The following PCGF3 variants were observed in gnomAD, a reference collection of about 807,000 sequenced individuals.
PCGF3 encodes polycomb group RING finger protein 3.
In PCGF3, 7 loss-of-function variants were observed where a neutral mutation model predicts 33.1. That is an observed-to-expected ratio of 0.21 (90% CI 0.12 to 0.40). The LOEUF is 0.40. Among genes scored for constraint, PCGF3 ranks in the 10% least tolerant of loss-of-function variants. The pLI is 1.00. For missense variants in PCGF3, 211 were observed against 313.3 expected (o/e 0.67, Z 2.46); for synonymous variants, 153 against 121.3 (o/e 1.26, Z -1.72).
At chr4:733,842 G>C in intron 4 of PCGF3, 53 bp downstream of exon 4, 1 of 1,613,190 alleles carries the variant, frequency 6.2e-7, no homozygotes, top group Non-Finnish European at 8.5e-7. Context: ...CCAGCTCTGT[G>C]CTCTTCAGAA....
intron 8 of PCGF3, among the ~76,000 whole-genome samples, chr4:752,490 C>A (rs1265242622): frequency 6.6e-6 from 1 of 152,224 alleles, no homozygotes; most frequent in Non-Finnish European, 1.5e-5. Flanking sequence ...CGCTCTTTTC[C>A]CCCAGCTGCT....
chr4:756,518 C>A (rs776156194), intron 8 of PCGF3, among the ~76,000 whole-genome samples: 1 of 152,158 alleles, frequency 6.6e-6, no homozygotes, highest in Non-Finnish European at 1.5e-5. Flanking sequence ...CGGCTCTTTT[C>A]TAAACTCTAG....
intron 7 of PCGF3, 37 bp downstream of exon 7, chr4:743,621 A>G (rs758574501): frequency 2.5e-6 from 3 of 1,216,238 alleles, no homozygotes; most frequent in Non-Finnish European, 3.7e-6. Context: ...AGCCCCGGGA[A>G]TCCCCTGCAT....
Position 754,293 on chromosome 4 carries a change from G to C in PCGF3, c.463-6986G>C, listed in dbSNP as rs192801503. ...GTTTGTTTTCACTCCTCCGAGTTGT[G>C]CCTCCCTGGCCCACTGGCTCCTGTC... On this transcript the variant is annotated intron_variant, in intron 8 of 10. Coordinates refer to ENST00000362003, the Ensembl canonical transcript of PCGF3. Among the ~76,000 whole-genome samples the C allele has an allele frequency of 6.9e-3, 1,045 of 152,324 alleles. 8 individuals are homozygous for C. Among genetic ancestry groups the C allele is most frequent in the African/African-American group, 0.024 (1,003 of 41,566 alleles).
intron 8 of PCGF3, among the ~76,000 whole-genome samples, chr4:751,761 C>T (rs943644985): frequency 6.6e-6 from 1 of 152,356 alleles, no homozygotes; most frequent in East Asian, 1.9e-4. Flanking sequence ...GGCCCTCCCA[C>T]CCCTGGCTGG....
chr4:755,904 CTTTTTTTTT>C (rs570528684), intron 8 of PCGF3, among the ~76,000 whole-genome samples: 7,270 of 87,300 alleles, frequency 0.083, 351 homozygotes, highest in Middle Eastern at 0.17. Context: ...CAGAATTGTC[CTTTTTTTTT>C]TTTTTTTTTT....
chr4:711,658 C>T (rs1392672385), intron 1 of PCGF3, among the ~76,000 whole-genome samples: 3 of 150,760 alleles, frequency 2.0e-5, no homozygotes, highest in East Asian at 3.9e-4. Flanking sequence ...GGGGTTTCAC[C>T]TTGTTAGCCA....
At position 734,303 on chromosome 4, in the gene PCGF3, C is replaced by T. The variant is rs1743743036; in HGVS notation, c.109+514C>T. On this transcript the variant is annotated intron_variant, in intron 4 of 10. Transcript: ENST00000362003. ...GGCTGAGGCTCGGCTCTTATGCTAA[C>T]CTGAGGCCCCATGGCTGGCGGCCCT... is the stretch of plus-strand genomic sequence containing the variant. The T allele has an allele frequency of 2.1e-6, 3 of 1,448,068 alleles. No individual in the cohort carries two copies. In the South Asian group the frequency reaches 4.5e-5, roughly 22 times the overall value. The allele number at this position is 1,448,068 out of a possible 1,614,324, so 89.7% of individuals were successfully genotyped here.
chr4:724,105 C>CAG (rs1743228844), intron 1 of PCGF3: 1 of 152,412 alleles, frequency 6.6e-6, no homozygotes. Context: ...GGCCCAATGG[C>CAG]AGAGCCCCGG....
chr4:765,905 C>G (rs1429971223), intron 10 of PCGF3, 127 bp from the exon 11 acceptor site: 3 of 798,230 alleles, frequency 3.8e-6, no homozygotes, highest in Admixed American at 1.9e-5. Flanking sequence ...ACAGAAGGGT[C>G]TCTGTGCAGC....
exon 8 of PCGF3, chr4:744,627 A>G: frequency 6.4e-7 from 1 of 1,560,876 alleles, no homozygotes; most frequent in South Asian, 1.2e-5. Flanking sequence ...GACAGTTCAA[A>G]CAAAGAGGCC....
chr4:706,491 G>C (rs1420495849), intron 1 of PCGF3, among the ~76,000 whole-genome samples: 2 of 149,362 alleles, frequency 1.3e-5, no homozygotes, highest in African/African-American at 2.5e-5. Flanking sequence ...GGAGGGCCAA[G>C]ACCCCAGACC....
chr4:722,956 C>T (rs1249300673), intron 1 of PCGF3, among the ~76,000 whole-genome samples: 1 of 142,672 alleles, frequency 7.0e-6, no homozygotes, highest in Non-Finnish European at 1.5e-5. Flanking sequence ...CGACATCGCC[C>T]GCCCGCGCCG....
intron 8 of PCGF3, chr4:756,898 C>G (rs569343520): frequency 6.6e-6 from 1 of 152,264 alleles, no homozygotes; most frequent in African/African-American, 2.4e-5. Flanking sequence ...TGTGAATTTA[C>G]GGAAAATTAT....
At chr4:755,780 T>A (rs1041942064) in intron 8 of PCGF3, among the ~76,000 whole-genome samples, 39 of 152,184 alleles carry the variant, frequency 2.6e-4, no homozygotes, top group African/African-American at 7.7e-4. Context: ...TCCGCTGGTC[T>A]CTTGTCTCCC....
Position 717,094 on chromosome 4 carries a change from C to T in PCGF3, c.-190+11124C>T, listed in dbSNP as rs1419739361. Among the ~76,000 whole-genome samples, 24 of 84,478 alleles carry T rather than the reference C, an allele frequency of 2.8e-4. 1 individual carries two copies. The highest frequency in any genetic ancestry group is 7.4e-4 in the African/African-American group (15 of 20,254). 55.4% of individuals were successfully genotyped at this position (84,478 alleles called of 152,430 possible). Reference sequence around the variant, plus strand: ...GTAGACACTGAGTGTGAGAACTGAGCGTCGGTGCTGGGACCCTGTAGACAC... The same window carrying T: ...GTAGACACTGAGTGTGAGAACTGAGTGTCGGTGCTGGGACCCTGTAGACAC... On this transcript the variant is annotated intron_variant, in intron 1 of 10. Coordinates refer to ENST00000362003, the Ensembl canonical transcript of PCGF3.
chr4:730,758 G>C (rs578055305), intron 2 of PCGF3, 90 bp downstream of exon 2: 8 of 354,962 alleles, frequency 2.3e-5, no homozygotes, highest in Non-Finnish European at 4.0e-5. Context: ...TGTGGTCGGC[G>C]TTCCTTGCAG....
intron 1 of PCGF3, chr4:725,133 C>T (rs766904580): frequency 6.6e-6 from 1 of 152,398 alleles, no homozygotes; most frequent in Admixed American, 6.5e-5. Flanking sequence ...GGGAGCTTCC[C>T]ACACTGTTCA....
chr4:765,419 G>A lies in PCGF3; in HGVS notation c.681+355G>A, dbSNP rs1301802051. ...CTGCACTCCAACCTAGGCGACAGAGGGAGACTCTGTCTCAAAAAAAAAAAA... is the reference window on the plus strand; with the variant it reads ...CTGCACTCCAACCTAGGCGACAGAGAGAGACTCTGTCTCAAAAAAAAAAAA... On this transcript the variant is annotated intron_variant, in intron 10 of 10. Coordinates refer to ENST00000362003, the Ensembl canonical transcript of PCGF3. Among the ~76,000 whole-genome samples, 5 of 134,978 alleles carry A rather than the reference G, an allele frequency of 3.7e-5. No homozygotes were observed. In the East Asian group the frequency reaches 6.3e-4, roughly 17 times the overall value. 88.6% of individuals were successfully genotyped at this position (134,978 alleles called of 152,430 possible).
Sources: gnomAD v4.1 joint callset for allele counts (sites outside exome capture counted in the v4.1 genomes callset) on GRCh38, gnomAD v4.1.1 for gene constraint, MANE v1.5 for transcripts, NCBI Gene and HGNC (gene_info 2026-07-23, HGNC 2026-07-21) for gene names.